Variants in DQX1 observed in about 807,000 individuals in gnomAD.
DQX1 encodes the protein ATP-dependent RNA helicase homolog DQX1.
DQX1 carries 66 observed loss-of-function variants against 81.3 expected under a neutral mutation model. The observed-to-expected ratio is 0.81, with a 90% CI of 0.67 to 1.00. The LOEUF is 1.00. Ranked by LOEUF, DQX1 falls within the 50% of genes least tolerant of loss-of-function variation. The pLI is 0.00. For synonymous variants in DQX1, 290 were observed against 350.0 expected (o/e 0.83, Z 1.91); for missense variants, 798 against 867.9 (o/e 0.92, Z 1.01).
chr2:74,520,013 G>A lies in DQX1; in HGVS notation c.1517C>T (p.Pro506Leu). Reference sequence around the variant, plus strand: ...GGCAGCTTCTTCTGCACTGAGTGGAGGACGGGTAAACCCAGGGGCAGCTGG... The same window carrying A: ...GGCAGCTTCTTCTGCACTGAGTGGAAGACGGGTAAACCCAGGGGCAGCTGG... The part of the protein sequence containing the change: ...MLTAAPGFTR[P>L]PLSAEEAALR... The change falls in exon 9 of 12, where the codon CCT (proline) becomes CTT (leucine). Residue 506 changes from proline (P) to leucine (L), a missense_variant. Transcript: ENST00000404568. 1 of 1,613,766 alleles carries A rather than the reference G, an allele frequency of 6.2e-7. No homozygotes were observed. The highest frequency in any genetic ancestry group is 8.5e-7 in the Non-Finnish European group (1 of 1,179,690).
At chr2:74,524,603 T>G (rs1675123560) in intron 3 of DQX1, among the ~76,000 whole-genome samples, 1 of 152,042 alleles carries the variant, frequency 6.6e-6, no homozygotes, top group South Asian at 2.1e-4. Flanking sequence ...CACACACAAT[T>G]TAGAGTGAGT....
chr2:74,524,081 G>T lies in DQX1; in HGVS notation c.658C>A (p.Pro220Thr). ...GGCTCTCTGGGTATATGCACAATAG[G>T]AGGATTGCCCCAGAAAGCTCGGAGC... ...PKLRAFWGNP[P>T]IVHIPREPGE... The change falls in exon 4 of 12, where the codon CCT becomes ACT. Residue 220 changes from proline (P) to threonine (T), a missense_variant. Physicochemically the swap from Pro to Thr is conservative, Grantham distance 38. Coordinates refer to ENST00000404568, the MANE Select transcript of DQX1 (RefSeq NM_133637.3). The T allele has an allele frequency of 1.9e-6, 3 of 1,614,190 alleles. No individual in the cohort carries two copies. Among genetic ancestry groups the T allele is most frequent in the Non-Finnish European group, 2.5e-6 (3 of 1,180,032 alleles).
chr2:74,524,386 GGGA>G, intron 3 of DQX1, 79 bp from the exon 4 acceptor site: 1 of 1,518,090 alleles, frequency 6.6e-7, no homozygotes, highest in Non-Finnish European at 8.8e-7. Flanking sequence ...TTCTCCCCAA[GGGA>G]CGTATATTTT....
At position 74,525,379 on chromosome 2, in the gene DQX1, C is replaced by T. The variant is rs987341391; in HGVS notation, c.237+114G>A. 1.2e-5 allele frequency: 16 copies of T among 1,285,748 alleles called. No individual in the cohort carries two copies. The Admixed American group carries it at 3.4e-4, about 27-fold the overall frequency. 79.6% of individuals were successfully genotyped at this position (1,285,748 alleles called of 1,614,324 possible). A position where few individuals can be genotyped will look rare whatever the true frequency, so the allele number is the denominator to read the frequency against. ...TCTCTTCGTTCACCTTCCTCATGAC[C>T]CCACGCAGCCCAGTCCCCCCTTGCC... is the stretch of plus-strand genomic sequence containing the variant. On this transcript the variant is annotated intron_variant, in intron 2 of 11. Coordinates refer to ENST00000404568, the MANE Select transcript of DQX1 (RefSeq NM_133637.3). This position sits in a 1 kb window ranked among gnomAD's most constrained non-coding sequence, Gnocchi z 4.1.
In DQX1 at chr2:74,519,198, G is replaced by A. The variant is rs145142264; in HGVS notation, c.1839C>T (p.Tyr613=). 8.4e-5 allele frequency: 134 copies of A among 1,587,454 alleles called. No homozygotes were observed. The highest frequency in any genetic ancestry group is 5.0e-4 in the Middle Eastern group (3 of 5,942). ...CCACATGCTTATGGGTTAGGAGAAG[G>A]TAATTTCCAGTCCCGTCTGTGTCTC... is the stretch of plus-strand genomic sequence containing the variant. ...VARDTDGTGN[Y]LLLTHKHVAQ... is the part of the protein sequence containing the mutation. The change falls in exon 11 of 12, where the codon TAC becomes TAT. Residue 613 remains tyrosine (Y), a synonymous_variant. Coordinates refer to ENST00000404568, the MANE Select transcript of DQX1 (RefSeq NM_133637.3).
Position 74,524,263 on chromosome 2 carries a change from C to T in DQX1, c.476G>A (p.Arg159Gln), listed in dbSNP as rs766343104. 1.4e-5 allele frequency: 22 copies of T among 1,613,762 alleles called. No homozygotes were observed. The highest frequency in any genetic ancestry group is 5.0e-5 in the Admixed American group (3 of 59,998). ...CAGCACGCCCCAGGCTCCAGTGCCT[C>T]GGGTCGAGGCCACCTCCTGCAGAAG... Reference protein sequence around the residue: ...RLLLQEVASTRGTGAWGVLVL... With the variant: ...RLLLQEVASTQGTGAWGVLVL... Residue 159 changes from arginine to glutamine, a missense_variant, in exon 4 of 12, where the codon CGA becomes CAA. Coordinates refer to ENST00000404568, the MANE Select transcript of DQX1 (RefSeq NM_133637.3).
intron 10 of DQX1, 94 bp downstream of exon 10, chr2:74,519,462 C>T (rs1674969591): frequency 6.7e-7 from 1 of 1,493,758 alleles, no homozygotes; most frequent in African/African-American, 1.4e-5. Context: ...TTTTGAATGG[C>T]CACCTGGACC....
chr2:74,525,815 T>G lies in DQX1; in HGVS notation c.-19-67A>C. The G allele has an allele frequency of 8.6e-7, 1 of 1,166,668 alleles. No homozygotes were observed. The highest frequency in any genetic ancestry group is 1.2e-6 in the Non-Finnish European group (1 of 826,018). 72.3% of individuals were successfully genotyped at this position (1,166,668 alleles called of 1,614,324 possible). A position where few individuals can be genotyped will look rare whatever the true frequency, so the allele number is the denominator to read the frequency against. ...CGACACCATCTTCCCACCTCAGCCC[T>G]GATCCTTAACCTCTACCTTCAGTTG... On this transcript the variant is annotated intron_variant, in intron 1 of 11. Coordinates refer to ENST00000404568, the MANE Select transcript of DQX1 (RefSeq NM_133637.3). This position sits in a 1 kb window ranked among gnomAD's most constrained non-coding sequence, Gnocchi z 4.1.
chr2:74,524,997 A>G lies in DQX1; in HGVS notation c.431+12T>C. 6.2e-7 allele frequency: 1 copy of G among 1,608,358 alleles called. No homozygotes were observed. Among genetic ancestry groups the G allele is most frequent in the Non-Finnish European group, 8.5e-7 (1 of 1,176,392 alleles). On this transcript the variant is annotated intron_variant, in intron 3 of 11. Transcript: ENST00000404568. Reference sequence around the variant, plus strand: ...GGAATTATATTCGGGTAAGGCCTGCAGAGGCCCCCACCTGAGCAGGGTGTT... The same window carrying G: ...GGAATTATATTCGGGTAAGGCCTGCGGAGGCCCCCACCTGAGCAGGGTGTT...
chr2:74,518,375 G>A lies in DQX1; in HGVS notation c.*71C>T. The A allele has an allele frequency of 2.6e-6, 4 of 1,559,852 alleles. No individual in the cohort carries two copies. The highest frequency in any genetic ancestry group is 2.6e-6 in the Non-Finnish European group (3 of 1,145,754). The stretch of plus-strand genomic sequence containing the variant: ...TTTGGGCTTCTAAATCTGTCTGGGT[G>A]CTTTGGTGTCACCCTGAGGGATAAT... On this transcript the variant is annotated 3_prime_UTR_variant, in exon 12 of 12. Coordinates refer to ENST00000404568, the MANE Select transcript of DQX1 (RefSeq NM_133637.3).
In DQX1 at chr2:74,522,594, G is replaced by C. The variant is rs1458913544; in HGVS notation, c.1481C>G (p.Ala494Gly). 3 of 1,613,568 alleles carry C rather than the reference G, an allele frequency of 1.9e-6. No individual in the cohort carries two copies. In the East Asian group the frequency reaches 6.7e-5, roughly 36 times the overall value. Reference protein sequence around the residue: ...FDCVDEMLTLAAMLTAAPGFT... With the variant: ...FDCVDEMLTLGAMLTAAPGFT... The stretch of plus-strand genomic sequence containing the variant: ...GCGATTTATACCTGTGAGCATGGCA[G>C]CCAGGGTGAGCATCTCGTCCACACA... The change falls in exon 8 of 12, where the codon GCT becomes GGT. Residue 494 changes from alanine (A) to glycine (G), a missense_variant. By Grantham distance (60) the Ala-to-Gly change is moderately conservative. Transcript: ENST00000404568.
rs761688550 is a variant in DQX1, at chr2:74,524,127, A to G, written c.612T>C (p.Thr204=). ...GGAGCTTAGGTTCAAGGGCTGGGTCAGTAACCACAACCACTCTGAGGTCCC... is the reference window on the plus strand; with the variant it reads ...GGAGCTTAGGTTCAAGGGCTGGGTCGGTAACCACAACCACTCTGAGGTCCC... The part of the protein sequence containing the change: ...LPGDLRVVVV[T]DPALEPKLRA... Residue 204 remains threonine, a synonymous_variant, in exon 4 of 12, where the codon ACT becomes ACC. Coordinates refer to ENST00000404568, the MANE Select transcript of DQX1 (RefSeq NM_133637.3). 6.2e-7 allele frequency: 1 copy of G among 1,614,204 alleles called. No individual in the cohort carries two copies. The highest frequency in any genetic ancestry group is 8.5e-7 in the Non-Finnish European group (1 of 1,180,040).
chr2:74,520,298 T>C (rs1674991243), intron 8 of DQX1, among the ~76,000 whole-genome samples: 1 of 152,210 alleles, frequency 6.6e-6, no homozygotes, highest in African/African-American at 2.4e-5. Flanking sequence ...TTGTATATGG[T>C]ACTGTGGAAA....
rs754214204 is a variant in DQX1 at position 74,523,130 on chromosome 2, C to G, written c.1133G>C (p.Gly378Ala). 1.1e-5 allele frequency: 17 copies of G among 1,614,106 alleles called. No homozygotes were observed. Among genetic ancestry groups the G allele is most frequent in the Non-Finnish European group, 1.4e-5 (17 of 1,180,022 alleles). The change falls in exon 6 of 12, where the codon GGG becomes GCG. Residue 378 changes from glycine (G) to alanine (A), a missense_variant. Transcript: ENST00000404568. ...GCAAAGGCTCTTACCTGGTGGGAAC[C>G]CTCTTGCTCGCAATCGTCTTGCCTC... ...QAEARRLRARGFPPGSCLCLY... is the reference protein window; with the variant it reads ...QAEARRLRARAFPPGSCLCLY...
Position 74,518,258 on chromosome 2 carries a change from C to T in DQX1, c.*188G>A. The T allele has an allele frequency of 1.7e-6, 1 of 597,024 alleles. No homozygotes were observed. Among genetic ancestry groups the T allele is most frequent in the South Asian group, 2.6e-5 (1 of 38,626 alleles). 37.0% of individuals were successfully genotyped at this position (597,024 alleles called of 1,614,324 possible). A position where few individuals can be genotyped will look rare whatever the true frequency, so the allele number is the denominator to read the frequency against. On this transcript the variant is annotated 3_prime_UTR_variant, in exon 12 of 12. Coordinates refer to ENST00000404568, the MANE Select transcript of DQX1 (RefSeq NM_133637.3). ...AGAGAAGGCTAAGGAAAGAGTCCTTCCCTATGTAGACTGTGGTTTACCCCA... is the reference window on the plus strand; with the variant it reads ...AGAGAAGGCTAAGGAAAGAGTCCTTTCCTATGTAGACTGTGGTTTACCCCA...
rs371206587 is a variant in DQX1, at chr2:74,522,571, G to A, written c.1495+9C>T. 241 of 1,609,952 alleles carry A rather than the reference G, an allele frequency of 1.5e-4. No homozygotes were observed. In the African/African-American group the frequency reaches 2.6e-3, roughly 17 times the overall value. On this transcript the variant is annotated intron_variant, in intron 8 of 11. Coordinates refer to ENST00000404568, the MANE Select transcript of DQX1 (RefSeq NM_133637.3). Reference sequence around the variant, plus strand: ...TCAAGAGCTATGGATTTACAGCAGCGATTTATACCTGTGAGCATGGCAGCC... The same window carrying A: ...TCAAGAGCTATGGATTTACAGCAGCAATTTATACCTGTGAGCATGGCAGCC...
In DQX1 at chr2:74,519,984, G is replaced by A. The variant is rs143679936; in HGVS notation, c.1546C>T (p.Arg516Cys). The A allele has an allele frequency of 1.2e-3, 2,004 of 1,614,176 alleles. 10 individuals are homozygous for A. The highest frequency in any genetic ancestry group is 0.011 in the Middle Eastern group (69 of 6,062). ...PPLSAEEAAL[R>C]RALEHTDGDH... ...CCATCCGTGTGTTCCAGGGCCCGACGCAGGGCAGCTTCTTCTGCACTGAGT... is the reference window on the plus strand; with the variant it reads ...CCATCCGTGTGTTCCAGGGCCCGACACAGGGCAGCTTCTTCTGCACTGAGT... Residue 516 changes from arginine to cysteine, a missense_variant, in exon 9 of 12, where the codon CGT (arginine) becomes TGT (cysteine). Arg to Cys is a radical substitution (Grantham distance 180). Coordinates refer to ENST00000404568, the MANE Select transcript of DQX1 (RefSeq NM_133637.3).
chr2:74,520,162 C>A, intron 8 of DQX1, 128 bp from the exon 9 acceptor site: 1 of 1,232,884 alleles, frequency 8.1e-7, no homozygotes, highest in Non-Finnish European at 1.1e-6. Context: ...TAGATAACTT[C>A]TAGGTGCTAT....
chr2:74,526,003 G>C lies in DQX1; in HGVS notation c.-20+133C>G, dbSNP rs1675172338. On this transcript the variant is annotated intron_variant, in intron 1 of 11. Transcript: ENST00000404568. ...TGGCAGGTAGTAGAAATCTTACTTA[G>C]GCAGGGGTCCTCAAGGGCAGTAGAA... is the stretch of plus-strand genomic sequence containing the variant. 6 of 426,084 alleles carry C rather than the reference G, an allele frequency of 1.4e-5. No individual in the cohort carries two copies. The South Asian group carries it at 1.8e-4, about 13-fold the overall frequency. The allele number at this position is 426,084 out of a possible 1,614,324, so 26.4% of individuals were successfully genotyped here.
Sources: allele counts gnomAD v4.1 joint callset (sites outside exome capture counted in the v4.1 genomes callset), GRCh38; gene constraint gnomAD v4.1.1; non-coding constraint Gnocchi (gnomAD v3.1); transcripts MANE v1.5; gene names NCBI Gene and HGNC (gene_info 2026-07-23, HGNC 2026-07-21).